The following KIAA1958 variants were observed in gnomAD, a reference collection of about 807,000 sequenced individuals.
KIAA1958 encodes uncharacterized protein KIAA1958.
In KIAA1958, 14 loss-of-function variants were observed where a neutral mutation model predicts 47.2. The observed-to-expected ratio is 0.30, with a 90% CI of 0.20 to 0.46. The LOEUF (loss-of-function observed/expected upper bound fraction) is 0.46, where lower values mean the gene tolerates loss of function less well. Ranked by LOEUF, KIAA1958 falls within the 20% of genes least tolerant of loss-of-function variation. The pLI, the probability that KIAA1958 is intolerant of heterozygous loss-of-function variation, is 1.00. For missense variants in KIAA1958, 803 were observed against 909.2 expected, an observed-to-expected ratio of 0.88 and a Z score of 1.50; for synonymous variants, 354 against 353.3, an observed-to-expected ratio of 1.00 and a Z score of -0.02.
chr9:112,491,037 A>T (rs182032574), intron 1 of KIAA1958, among the ~76,000 whole-genome samples: 17 of 152,344 alleles, frequency 1.1e-4, no homozygotes, highest in Admixed American at 1.0e-3. Flanking sequence ...GTGCAACCAT[A>T]GCTTACTGCC....
chr9:112,532,735 G>C (rs762844324), intron 1 of KIAA1958, among the ~76,000 whole-genome samples: 1 of 152,176 alleles, frequency 6.6e-6, no homozygotes, highest in African/African-American at 2.4e-5. Context: ...GCTGTGTGTG[G>C]TATAAGCTAG....
intron 3 of KIAA1958, among the ~76,000 whole-genome samples, chr9:112,647,581 A>G (rs996823596): frequency 1.3e-5 from 2 of 152,272 alleles, no homozygotes; most frequent in East Asian, 3.8e-4. Context: ...ATTATAGACT[A>G]TATATGAAAA....
At position 112,630,367 on chromosome 9, in the gene KIAA1958, G is replaced by A. The variant is rs570777165; in HGVS notation, c.1172-15283G>A. ...TGCAAAATTATACTAAGCTGCGGCC[G>A]GGCACAGTGGCAAATGCCTGTAATT... is the stretch of plus-strand genomic sequence containing the variant. On this transcript the variant is annotated intron_variant, in intron 2 of 3. Transcript: ENST00000337530. Among the ~76,000 whole-genome samples, 23 of 152,244 alleles carry A rather than the reference G, an allele frequency of 1.5e-4. 1 individual carries two copies. The South Asian group carries it at 4.6e-3, about 30-fold the overall frequency.
chr9:112,665,937 T>C lies in KIAA1958; in HGVS notation c.*5868T>C, dbSNP rs1425973096. On this transcript the variant is annotated 3_prime_UTR_variant, in exon 4 of 4. Transcript: ENST00000337530. ...TTTTACTTTTGCCATTTAATTTTGG[T>C]CAGAGGATTTTTATAATCTGTAGGC... 1 of 152,178 alleles carries C rather than the reference T, an allele frequency of 6.6e-6. No homozygotes were observed. Among genetic ancestry groups the C allele is most frequent in the Non-Finnish European group, 1.5e-5 (1 of 68,040 alleles). The allele number at this position is 152,178 out of a possible 1,614,324, so 9.4% of individuals were successfully genotyped here.
chr9:112,604,333 G>C (rs181774329), intron 2 of KIAA1958, among the ~76,000 whole-genome samples: 25 of 152,276 alleles, frequency 1.6e-4, no homozygotes, highest in Admixed American at 1.6e-3. Context: ...CCCCTCTCCA[G>C]GTCACAAATC....
chr9:112,489,727 A>G (rs547776369), intron 1 of KIAA1958, among the ~76,000 whole-genome samples: 1 of 152,310 alleles, frequency 6.6e-6, no homozygotes, highest in South Asian at 2.1e-4. Context: ...GGATTTTTAA[A>G]TATAGCTGAC....
intron 2 of KIAA1958, among the ~76,000 whole-genome samples, chr9:112,583,413 C>CA (rs1345404338): frequency 2.6e-5 from 4 of 152,122 alleles, no homozygotes; most frequent in Non-Finnish European, 5.9e-5. Flanking sequence ...CTTTGGAGAG[C>CA]AATTTACAAT....
intron 1 of KIAA1958, among the ~76,000 whole-genome samples, chr9:112,508,842 G>A (rs969684857): frequency 2.0e-5 from 3 of 152,006 alleles, no homozygotes; most frequent in Non-Finnish European, 4.4e-5. Context: ...ATTTGGCCCT[G>A]CTGACCACTA....
chr9:112,647,651 T>A lies in KIAA1958; in HGVS notation c.1344+1829T>A, dbSNP rs377173767. On this transcript the variant is annotated intron_variant, in intron 3 of 3. Transcript: ENST00000337530. ...TAATCTAGCAGATTTAAAAACAAAT[T>A]GAAATTTCCATTTCTTGCCAGAATT... Among the ~76,000 whole-genome samples the A allele has an allele frequency of 4.6e-5, 7 of 152,340 alleles. 2 individuals carry two copies. The highest frequency in any genetic ancestry group is 1.7e-4 in the African/African-American group (7 of 41,584).
intron 1 of KIAA1958, among the ~76,000 whole-genome samples, chr9:112,500,455 A>T (rs1285888731): frequency 7.2e-6 from 1 of 139,452 alleles, no homozygotes; most frequent in Non-Finnish European, 1.6e-5. Flanking sequence ...AATATCATTA[A>T]TTTTTTTTTT....
In KIAA1958 at chr9:112,558,223, CA is replaced by C. The variant is rs1021222835; in HGVS notation, c.-24-15823del. Among the ~76,000 whole-genome samples the C allele has an allele frequency of 4.0e-3, 535 of 134,728 alleles. 7 individuals are homozygous for C. Among genetic ancestry groups the C allele is most frequent in the African/African-American group, 0.013 (484 of 36,386 alleles). 88.4% of individuals were successfully genotyped at this position (134,728 alleles called of 152,430 possible). A position where few individuals can be genotyped will look rare whatever the true frequency, so the allele number is the denominator to read the frequency against. On this transcript the variant is annotated intron_variant, in intron 1 of 3. Transcript: ENST00000337530. Reference sequence around the variant, plus strand: ...CTGGAGACAGAGCGAGACTCTGTCTCAAAAAAAAAAAGTTAGCAATTAGAAA... The same window carrying C: ...CTGGAGACAGAGCGAGACTCTGTCTCAAAAAAAAAAGTTAGCAATTAGAAA...
chr9:112,660,234 A>G lies in KIAA1958; in HGVS notation c.*165A>G. On this transcript the variant is annotated 3_prime_UTR_variant, in exon 4 of 4. Coordinates refer to ENST00000337530, the MANE Select transcript of KIAA1958 (RefSeq NM_133465.4). Reference sequence around the variant, plus strand: ...CCTTTGACTTGGGGTTTGCTTTTTAAAATGAAACTAGATGAGTCTAAATCA... The same window carrying G: ...CCTTTGACTTGGGGTTTGCTTTTTAGAATGAAACTAGATGAGTCTAAATCA... 3 of 607,964 alleles carry G rather than the reference A, an allele frequency of 4.9e-6. No individual in the cohort carries two copies. Among genetic ancestry groups the G allele is most frequent in the South Asian group, 3.9e-5 (2 of 50,762 alleles). The allele number at this position is 607,964 out of a possible 1,614,324, so 37.7% of individuals were successfully genotyped here.
At chr9:112,565,207 A>C (rs1238706042) in intron 1 of KIAA1958, among the ~76,000 whole-genome samples, 4 of 152,222 alleles carry the variant, frequency 2.6e-5, no homozygotes, top group Non-Finnish European at 5.9e-5. Context: ...TAGCATTGCT[A>C]ACATAGTGTA....
rs1837348260 is a variant in KIAA1958 at position 112,666,100 on chromosome 9, T to C, written c.*6031T>C. On this transcript the variant is annotated 3_prime_UTR_variant, in exon 4 of 4. Coordinates refer to ENST00000337530, the MANE Select transcript of KIAA1958 (RefSeq NM_133465.4). ...CATCCTCCTGCCTCAGTCTCCCAAG[T>C]AGCTGGGATTACAAGCGTGTGCCAC... The C allele has an allele frequency of 6.6e-6, 1 of 151,938 alleles. No homozygotes were observed. The highest frequency in any genetic ancestry group is 2.4e-5 in the African/African-American group (1 of 41,368). The allele number at this position is 151,938 out of a possible 1,614,324, so 9.4% of individuals were successfully genotyped here.
intron 2 of KIAA1958, among the ~76,000 whole-genome samples, chr9:112,590,097 CT>C (rs1209679321): frequency 6.6e-6 from 1 of 152,178 alleles, no homozygotes. Flanking sequence ...GTGTGGTCCC[CT>C]GACCATTGGC....
Position 112,659,309 on chromosome 9 carries a change from C to A in KIAA1958, c.1391C>A (p.Thr464Asn). 1 of 1,613,944 alleles carries A rather than the reference C, an allele frequency of 6.2e-7. No individual in the cohort carries two copies. Among genetic ancestry groups the A allele is most frequent in the East Asian group, 2.2e-5 (1 of 44,848 alleles). ...GAGCTGCTCGAGAACTTTTATGTCA[C>A]CGTCAAGAAGAGCGACGGCTCGGAC... ...LNELLENFYV[T>N]VKKSDGSDFL... Residue 464 changes from threonine (T) to asparagine (N), a missense_variant, in exon 4 of 4, where the codon ACC (threonine) becomes AAC (asparagine). Thr to Asn is a moderately conservative substitution (Grantham distance 65). Around this residue, in one of 2 missense-constraint regions of KIAA1958, gnomAD observed 761 missense variants for 829.3 expected, o/e 0.92. Transcript: ENST00000337530.
chr9:112,605,781 T>C (rs1025937166), intron 2 of KIAA1958, among the ~76,000 whole-genome samples: 8 of 152,202 alleles, frequency 5.3e-5, no homozygotes, highest in Admixed American at 3.3e-4. Flanking sequence ...TGCTCCTCCT[T>C]CTGCTCTTTG....
intron 2 of KIAA1958, among the ~76,000 whole-genome samples, chr9:112,629,612 A>G (rs1466301676): frequency 6.6e-6 from 1 of 152,182 alleles, no homozygotes; most frequent in Non-Finnish European, 1.5e-5. Flanking sequence ...GATTTTTTAC[A>G]CTAAGATGTT....
At chr9:112,653,370 A>G (rs1837093889) in intron 3 of KIAA1958, among the ~76,000 whole-genome samples, 1 of 152,212 alleles carries the variant, frequency 6.6e-6, no homozygotes, top group Non-Finnish European at 1.5e-5. Context: ...GCTCCATAAC[A>G]AACCACTCAA....
Sources: gnomAD v4.1 joint callset for allele counts (sites outside exome capture counted in the v4.1 genomes callset) on GRCh38, gnomAD v4.1.1 for gene constraint, gnomAD v4.1.1 regional missense constraint, MANE v1.5 for transcripts, NCBI Gene and HGNC (gene_info 2026-07-23, HGNC 2026-07-21) for gene names.